The following TRAPPC9 variants were observed in gnomAD, a reference collection of about 807,000 sequenced individuals.
The protein encoded by TRAPPC9 is IKK2 binding protein.
TRAPPC9 carries 83 observed loss-of-function variants against 124.0 expected under a neutral mutation model. The ratio of observed to expected loss-of-function variants is 0.67; its 90% CI spans 0.56 to 0.80. TRAPPC9 has a LOEUF of 0.80. Ranked by LOEUF, TRAPPC9 falls within the 30% of genes least tolerant of loss-of-function variation. The pLI, the probability that TRAPPC9 is intolerant of heterozygous loss-of-function variation, is 0.00. For missense variants in TRAPPC9, 1,302 were observed against 1,508.3 expected (o/e 0.86, Z 2.27); for synonymous variants, 638 against 617.5 (o/e 1.03, Z -0.49).
intron 17 of TRAPPC9, among the ~76,000 whole-genome samples, chr8:140,203,381 G>A (rs1000583536): frequency 1.3e-5 from 2 of 152,110 alleles, no homozygotes; most frequent in African/African-American, 2.4e-5. Context: ...TTGTCTCAAC[G>A]GTATTCCTGC....
intron 7 of TRAPPC9, among the ~76,000 whole-genome samples, chr8:140,397,000 G>A (rs768895331): frequency 6.6e-6 from 1 of 152,046 alleles, no homozygotes; most frequent in Non-Finnish European, 1.5e-5. Context: ...AGTGACCTAC[G>A]TTCTCATACT....
chr8:139,873,735 G>A (rs566911832), intron 21 of TRAPPC9, among the ~76,000 whole-genome samples: 26 of 152,326 alleles, frequency 1.7e-4, no homozygotes, highest in African/African-American at 1.7e-4. Flanking sequence ...AGGACAATTC[G>A]TTCCACTTGG....
intron 19 of TRAPPC9, among the ~76,000 whole-genome samples, chr8:139,923,936 T>A (rs1832658621): frequency 6.6e-6 from 1 of 152,212 alleles, no homozygotes; most frequent in Non-Finnish European, 1.5e-5. Context: ...GAAATCTCAT[T>A]TTCCCTAGAT....
At chr8:140,418,771 T>TAGATAGATAGATAGATAGACAGAC in intron 5 of TRAPPC9, among the ~76,000 whole-genome samples, 1 of 131,168 alleles carries the variant, frequency 7.6e-6, no homozygotes, top group Non-Finnish European at 1.7e-5. Flanking sequence ...GATAGATAGA[T>TAGATAGATAGATAGATAGACAGAC]AGACAGACAG....
At chr8:140,213,550 T>C (rs2063115517) in intron 17 of TRAPPC9, among the ~76,000 whole-genome samples, 1 of 152,038 alleles carries the variant, frequency 6.6e-6, no homozygotes, top group Non-Finnish European at 1.5e-5. Context: ...TGATCTTTAT[T>C]ATTTCCTTTT....
intron 5 of TRAPPC9, among the ~76,000 whole-genome samples, chr8:140,422,652 G>A (rs1277186547): frequency 2.0e-5 from 3 of 151,448 alleles, no homozygotes; most frequent in Non-Finnish European, 4.4e-5. Flanking sequence ...TGCTCAGGAG[G>A]CTGAGGCAAG....
At chr8:140,027,958 G>A (rs773664693) in intron 17 of TRAPPC9, among the ~76,000 whole-genome samples, 15 of 152,112 alleles carry the variant, frequency 9.9e-5, no homozygotes, top group African/African-American at 3.6e-4. Flanking sequence ...CCCTCGACAC[G>A]TGGGGATTAT....
intron 21 of TRAPPC9, among the ~76,000 whole-genome samples, chr8:139,765,266 A>G (rs1417711939): frequency 6.6e-6 from 1 of 152,126 alleles, no homozygotes; most frequent in East Asian, 1.9e-4. Context: ...CTGGTAGGAG[A>G]AGGGAGGAAA....
At chr8:139,750,070 T>G (rs1586758799) in intron 21 of TRAPPC9, among the ~76,000 whole-genome samples, 1 of 152,006 alleles carries the variant, frequency 6.6e-6, no homozygotes, top group African/African-American at 2.4e-5. Context: ...CCATCTCAGC[T>G]GGGAGTGGTG....
chr8:140,458,389 C>T (rs780990176), upstream of TRAPPC9: 2 of 1,597,578 alleles, frequency 1.3e-6, no homozygotes, highest in South Asian at 1.1e-5. Flanking sequence ...GTGACCCTCA[C>T]GGTACCCCCC....
intron 17 of TRAPPC9, among the ~76,000 whole-genome samples, chr8:140,111,110 T>C (rs2060767396): frequency 6.7e-6 from 1 of 149,504 alleles, no homozygotes; most frequent in Non-Finnish European, 1.5e-5. Context: ...CCTTGGAAAG[T>C]CCCCTTTATT....
chr8:140,020,257 T>C (rs1839753741), intron 18 of TRAPPC9, among the ~76,000 whole-genome samples: 1 of 152,220 alleles, frequency 6.6e-6, no homozygotes, highest in Non-Finnish European at 1.5e-5. Flanking sequence ...ACTCTATTAT[T>C]TCTTCTGCTT....
At chr8:139,862,936 C>G (rs912322970) in intron 21 of TRAPPC9, among the ~76,000 whole-genome samples, 1 of 152,174 alleles carries the variant, frequency 6.6e-6, no homozygotes, top group African/African-American at 2.4e-5. Flanking sequence ...CCCTTGGGAG[C>G]CTCTCTAAAT....
chr8:140,257,498 G>A lies in TRAPPC9; in HGVS notation c.2279-4569C>T, dbSNP rs1418334590. 6.6e-6 allele frequency among the ~76,000 whole-genome samples: 1 copy of A among 152,194 alleles called. No individual in the cohort carries two copies. Among genetic ancestry groups the A allele is most frequent in the East Asian group, 1.9e-4 (1 of 5,192 alleles). On this transcript the variant is annotated intron_variant, in intron 15 of 22. Transcript: ENST00000438773. The surrounding 1 kb of genome is among the most constrained non-coding windows in gnomAD (Gnocchi z 4.6). The stretch of plus-strand genomic sequence containing the variant: ...CCTCCCCAGACAGGAGCCCAGGAGT[G>A]GGAAAAAGGACCCCGTGCCATGCGA...
chr8:140,299,171 C>T (rs949203438), intron 11 of TRAPPC9, among the ~76,000 whole-genome samples: 1 of 152,190 alleles, frequency 6.6e-6, no homozygotes, highest in African/African-American at 2.4e-5. Flanking sequence ...AAGGAAAGAG[C>T]GAGCCCCAAA....
intron 17 of TRAPPC9, among the ~76,000 whole-genome samples, chr8:140,155,062 C>T (rs2061605411): frequency 6.6e-6 from 1 of 152,214 alleles, no homozygotes; most frequent in African/African-American, 2.4e-5. Context: ...CCCTGGCACT[C>T]AGCCGAGGCT....
intron 17 of TRAPPC9, among the ~76,000 whole-genome samples, chr8:140,179,734 C>A (rs1315400177): frequency 1.3e-5 from 2 of 152,056 alleles, no homozygotes; most frequent in African/African-American, 4.8e-5. Flanking sequence ...TTGCTTCATG[C>A]ATGTTGAAGC....
chr8:140,090,427 A>G (rs1844488390), intron 17 of TRAPPC9, among the ~76,000 whole-genome samples: 1 of 152,212 alleles, frequency 6.6e-6, no homozygotes, highest in Admixed American at 6.5e-5. Flanking sequence ...GTGAACCCTA[A>G]GTGGAAGGCA....
chr8:139,768,633 T>C (rs771648934), intron 21 of TRAPPC9, among the ~76,000 whole-genome samples: 5 of 152,260 alleles, frequency 3.3e-5, no homozygotes, highest in African/African-American at 4.8e-5. Context: ...TTTTCTACAA[T>C]GAGCATGACT....
Sources: allele counts gnomAD v4.1 joint callset (sites outside exome capture counted in the v4.1 genomes callset), GRCh38; gene constraint gnomAD v4.1.1; non-coding constraint Gnocchi (gnomAD v3.1); transcripts MANE v1.5; gene names NCBI Gene and HGNC (gene_info 2026-07-23, HGNC 2026-07-21).